Variants in TMEM74 observed in about 807,000 individuals in gnomAD.
The protein encoded by TMEM74 is transmembrane protein 74.
In TMEM74, 13 loss-of-function variants were observed where a neutral mutation model predicts 18.1. The observed-to-expected ratio is 0.72, with a 90% CI of 0.47 to 1.14. The LOEUF (loss-of-function observed/expected upper bound fraction) is 1.14, where lower values mean the gene tolerates loss of function less well. Ranked by LOEUF, TMEM74 falls within the 50% of genes most tolerant of loss-of-function variation. The pLI, the probability that TMEM74 is intolerant of heterozygous loss-of-function variation, is 0.00. For missense variants in TMEM74, 372 were observed against 375.9 expected, an observed-to-expected ratio of 0.99 and a Z score of 0.09; for synonymous variants, 159 against 146.6, an observed-to-expected ratio of 1.08 and a Z score of -0.61.
intron 1 of TMEM74, among the ~76,000 whole-genome samples, chr8:108,741,159 T>C (rs1451889543): frequency 6.6e-6 from 1 of 152,198 alleles, no homozygotes; most frequent in African/African-American, 2.4e-5. Context: ...TAGGTATACC[T>C]ACCTATGTGA....
chr8:108,652,681 G>A, intron 2 of TMEM74: 1 of 581,826 alleles, frequency 1.7e-6, no homozygotes, highest in Non-Finnish European at 3.2e-6. Context: ...GAAAATCCAG[G>A]AATCTGCCCC....
rs1458282898 is a variant in TMEM74 at position 108,781,964 on chromosome 8, A to G, written c.*2217T>C. On this transcript the variant is annotated 3_prime_UTR_variant, in exon 2 of 2. Coordinates refer to ENST00000297459, the MANE Select transcript of TMEM74 (RefSeq NM_153015.3). The stretch of plus-strand genomic sequence containing the variant: ...TTCATAAACTGAAAATTGATTCCAC[A>G]TTAATTCAGTTTAGTCTGCCATTTG... Among the ~76,000 whole-genome samples, 1 of 152,242 alleles carries G rather than the reference A, an allele frequency of 6.6e-6. No homozygotes were observed.
At chr8:108,744,943 A>G (rs763545577) in intron 1 of TMEM74, among the ~76,000 whole-genome samples, 10 of 152,176 alleles carry the variant, frequency 6.6e-5, no homozygotes, top group Non-Finnish European at 8.8e-5. Context: ...TCAGCCTCCC[A>G]GCTTAATCTT....
At chr8:108,679,808 A>T (rs945960231) in intron 1 of TMEM74, among the ~76,000 whole-genome samples, 1 of 152,182 alleles carries the variant, frequency 6.6e-6, no homozygotes, top group African/African-American at 2.4e-5. Context: ...TGTTTTAGAC[A>T]TGAAGTCCTT....
chr8:108,701,582 CT>C (rs769926164), intron 1 of TMEM74, among the ~76,000 whole-genome samples: 1 of 152,150 alleles, frequency 6.6e-6, no homozygotes, highest in Non-Finnish European at 1.5e-5. Flanking sequence ...AGGTCAATTG[CT>C]TTCCTATATA....
intron 1 of TMEM74, among the ~76,000 whole-genome samples, chr8:108,668,934 T>C (rs1046327383): frequency 3.3e-5 from 5 of 152,054 alleles, no homozygotes; most frequent in Non-Finnish European, 7.4e-5. Flanking sequence ...TCTGCCACAG[T>C]TGAACTGCAG....
chr8:108,719,960 A>T (rs1351252888), intron 1 of TMEM74, among the ~76,000 whole-genome samples: 1 of 152,210 alleles, frequency 6.6e-6, no homozygotes, highest in Non-Finnish European at 1.5e-5. Flanking sequence ...TTAAAAAATC[A>T]TGTGCACAAA....
chr8:108,710,198 G>T (rs535762888), intron 1 of TMEM74, among the ~76,000 whole-genome samples: 25 of 152,342 alleles, frequency 1.6e-4, no homozygotes, highest in African/African-American at 5.5e-4. Context: ...TAAAGGATGC[G>T]TTTAGTATAT....
At chr8:108,686,771 C>G (rs1813174769) in intron 1 of TMEM74, among the ~76,000 whole-genome samples, 1 of 151,998 alleles carries the variant, frequency 6.6e-6, no homozygotes, top group African/African-American at 2.4e-5. Context: ...GAGGGGATTA[C>G]TGGACACTAC....
At chr8:108,748,898 T>C (rs1813878107) in intron 1 of TMEM74, among the ~76,000 whole-genome samples, 1 of 152,164 alleles carries the variant, frequency 6.6e-6, no homozygotes, top group Non-Finnish European at 1.5e-5. Flanking sequence ...AAAGATCAGA[T>C]GGTTGTAGGT....
At chr8:108,623,679 T>G (rs1445210189) in intron 2 of TMEM74, among the ~76,000 whole-genome samples, 1 of 152,082 alleles carries the variant, frequency 6.6e-6, no homozygotes. Flanking sequence ...TATTTCTAAT[T>G]TTCAGGGGAA....
chr8:108,612,277 C>T (rs1371354805), intron 2 of TMEM74, among the ~76,000 whole-genome samples: 2 of 151,944 alleles, frequency 1.3e-5, no homozygotes, highest in Non-Finnish European at 2.9e-5. Flanking sequence ...TCATAGATTC[C>T]TTGATGTTAA....
At chr8:108,641,803 C>G (rs1410255507) in intron 2 of TMEM74, among the ~76,000 whole-genome samples, 5 of 152,052 alleles carry the variant, frequency 3.3e-5, no homozygotes, top group Non-Finnish European at 7.4e-5. Context: ...TCTCCTTCAT[C>G]TTAAGTTGGA....
intron 2 of TMEM74, among the ~76,000 whole-genome samples, chr8:108,650,056 C>T (rs1563740438): frequency 6.6e-6 from 1 of 152,092 alleles, no homozygotes; most frequent in Non-Finnish European, 1.5e-5. Flanking sequence ...TTTATATCTC[C>T]AGCCTAACCT....
chr8:108,654,566 G>C (rs1180959468), intron 2 of TMEM74, among the ~76,000 whole-genome samples: 1 of 152,038 alleles, frequency 6.6e-6, no homozygotes, highest in African/African-American at 2.4e-5. Context: ...ATAATTCTAG[G>C]GTTGGGAGTC....
chr8:108,770,734 A>G (rs1814162347), intron 1 of TMEM74, among the ~76,000 whole-genome samples: 1 of 152,182 alleles, frequency 6.6e-6, no homozygotes, highest in African/African-American at 2.4e-5. Context: ...ATATTAACAT[A>G]TTATATTTAC....
At chr8:108,755,909 A>G (rs1204167748) in intron 1 of TMEM74, among the ~76,000 whole-genome samples, 2 of 152,160 alleles carry the variant, frequency 1.3e-5, no homozygotes, top group South Asian at 4.1e-4. Flanking sequence ...AAGAAAAAGC[A>G]TATTATCAGG....
At chr8:108,616,593 T>C (rs1368255842) in intron 2 of TMEM74, among the ~76,000 whole-genome samples, 2 of 152,178 alleles carry the variant, frequency 1.3e-5, no homozygotes, top group Non-Finnish European at 2.9e-5. Flanking sequence ...TATATGTTCT[T>C]GGAAAACACT....
intron 1 of TMEM74, among the ~76,000 whole-genome samples, chr8:108,711,506 G>A (rs939942042): frequency 1.3e-5 from 2 of 152,206 alleles, no homozygotes; most frequent in African/African-American, 4.8e-5. Context: ...TGGTTTGAGA[G>A]CAAGCATTGT....
Sources: allele counts gnomAD v4.1 joint callset (sites outside exome capture counted in the v4.1 genomes callset), GRCh38; gene constraint gnomAD v4.1.1; transcripts MANE v1.5; gene names NCBI Gene and HGNC (gene_info 2026-07-23, HGNC 2026-07-21).